LCP1: variants seen among roughly 807,000 people sequenced by gnomAD.
LCP1 encodes plastin-2.
Under a neutral mutation model 72.0 loss-of-function variants are expected in LCP1, and 23 were observed. The ratio of observed to expected loss-of-function variants is 0.32; its 90% CI spans 0.23 to 0.45. The LOEUF is 0.45. Among genes scored for constraint, LCP1 ranks in the 20% least tolerant of loss-of-function variants. LCP1 has a pLI of 1.00. For synonymous variants in LCP1, 245 were observed against 275.4 expected, an observed-to-expected ratio of 0.89 and a Z score of 1.09; for missense variants, 571 against 748.3, an observed-to-expected ratio of 0.76 and a Z score of 2.76.
At chr13:46,129,632 C>G (rs1026901902) in intron 15 of LCP1, among the ~76,000 whole-genome samples, 1 of 151,952 alleles carries the variant, frequency 6.6e-6, no homozygotes, top group Non-Finnish European at 1.5e-5. Flanking sequence ...TTTGGCATCC[C>G]GAGAGCACAG....
At chr13:46,165,365 C>T (rs2045870435) in intron 1 of LCP1, among the ~76,000 whole-genome samples, 1 of 151,590 alleles carries the variant, frequency 6.6e-6, no homozygotes. Flanking sequence ...CAGAGCGAGA[C>T]CCCATTTCAA....
At chr13:46,133,943 A>G (rs373259077) in intron 14 of LCP1, among the ~76,000 whole-genome samples, 184 bp downstream of exon 14, 3 of 152,338 alleles carry the variant, frequency 2.0e-5, no homozygotes, top group Admixed American at 6.5e-5. Flanking sequence ...GGGAGAAAGT[A>G]TTGAGAAATT....
chr13:46,171,769 G>C (rs1373294451), intron 1 of LCP1, among the ~76,000 whole-genome samples: 1 of 152,248 alleles, frequency 6.6e-6, no homozygotes, highest in African/African-American at 2.4e-5. Context: ...CAGGAGCACA[G>C]AGAATGAAGT....
chr13:46,162,067 A>G (rs930807515), intron 1 of LCP1, among the ~76,000 whole-genome samples: 1 of 151,836 alleles, frequency 6.6e-6, no homozygotes, highest in African/African-American at 2.4e-5. Flanking sequence ...AGAAAACAGT[A>G]TCTCAGAGAA....
chr13:46,140,785 A>G (rs2045692750), intron 13 of LCP1, among the ~76,000 whole-genome samples: 3 of 152,352 alleles, frequency 2.0e-5, no homozygotes, highest in African/African-American at 7.2e-5. Context: ...AAATTTCTAT[A>G]CATGGAAACT....
chr13:46,163,164 AG>A (rs1185559137), intron 1 of LCP1, among the ~76,000 whole-genome samples: 2 of 152,246 alleles, frequency 1.3e-5, no homozygotes, highest in Non-Finnish European at 2.9e-5. Context: ...AGAACGGGCC[AG>A]GATGACAATG....
chr13:46,163,080 G>A (rs1388843415), intron 1 of LCP1, among the ~76,000 whole-genome samples: 1 of 151,542 alleles, frequency 6.6e-6, no homozygotes, highest in South Asian at 2.1e-4. Context: ...CTGCCCTGCC[G>A]CCCCTTCTGA....
In LCP1 at chr13:46,159,488, G is replaced by C. The variant is rs75868181; in HGVS notation, c.64+111C>G. On this transcript the variant is annotated intron_variant, in intron 2 of 15. Transcript: ENST00000323076. ...CCAGCTCCTCTAAACAAATACTACTGGTTTCTTGTCATCTCTGAAATTTTG... is the reference window on the plus strand; with the variant it reads ...CCAGCTCCTCTAAACAAATACTACTCGTTTCTTGTCATCTCTGAAATTTTG... 1.5e-3 allele frequency: 1,251 copies of C among 824,220 alleles called. 11 individuals are homozygous for C. The African/African-American group carries it at 0.019, about 13-fold the overall frequency. 51.1% of individuals were successfully genotyped at this position (824,220 alleles called of 1,614,324 possible).
chr13:46,141,596 A>G (rs1295899132), intron 13 of LCP1, among the ~76,000 whole-genome samples: 1 of 152,144 alleles, frequency 6.6e-6, no homozygotes, highest in East Asian at 1.9e-4. Context: ...TCTTTAAAGT[A>G]CGGAAAGAAA....
intron 5 of LCP1, 52 bp downstream of exon 5, chr13:46,156,386 T>C (rs2045801148): frequency 6.3e-7 from 1 of 1,599,284 alleles, no homozygotes; most frequent in Non-Finnish European, 8.5e-7. Flanking sequence ...TAATTGTTGA[T>C]GGTCTAGAAA....
chr13:46,176,934 C>T (rs1407647617), intron 1 of LCP1, among the ~76,000 whole-genome samples: 1 of 150,724 alleles, frequency 6.6e-6, no homozygotes, highest in Non-Finnish European at 1.5e-5. Flanking sequence ...GGAGGGAGAC[C>T]CTCCCTTCTG....
Position 46,127,498 on chromosome 13 carries a change from G to A in LCP1, c.*93C>T. 1.3e-6 allele frequency: 2 copies of A among 1,499,360 alleles called. No homozygotes were observed. Among genetic ancestry groups the A allele is most frequent in the Non-Finnish European group, 1.8e-6 (2 of 1,096,048 alleles). The allele number at this position is 1,499,360 out of a possible 1,614,324, so 92.9% of individuals were successfully genotyped here. A position where few individuals can be genotyped will look rare whatever the true frequency, so the allele number is the denominator to read the frequency against. On this transcript the variant is annotated 3_prime_UTR_variant, in exon 16 of 16. Transcript: ENST00000323076. The stretch of plus-strand genomic sequence containing the variant: ...TTGGAATCTTATAGAGTGTCACCAA[G>A]TTGAACTTTGGAATGGCTTGAATCA...
chr13:46,169,359 A>G (rs184024844), intron 1 of LCP1: 1 of 152,380 alleles, frequency 6.6e-6, no homozygotes, highest in Non-Finnish European at 1.5e-5. Flanking sequence ...CATGTGCCAA[A>G]TCACATACAA....
chr13:46,127,486 G>T lies in LCP1; in HGVS notation c.*105C>A. On this transcript the variant is annotated 3_prime_UTR_variant, in exon 16 of 16. Transcript: ENST00000323076. ...AATATGTGCTTTTTGGAATCTTATA[G>T]AGTGTCACCAAGTTGAACTTTGGAA... 9.9e-6 allele frequency: 14 copies of T among 1,413,862 alleles called. No homozygotes were observed. Among genetic ancestry groups the T allele is most frequent in the Non-Finnish European group, 1.4e-5 (14 of 1,027,344 alleles). 87.6% of individuals were successfully genotyped at this position (1,413,862 alleles called of 1,614,324 possible). A position where few individuals can be genotyped will look rare whatever the true frequency, so the allele number is the denominator to read the frequency against.
At chr13:46,168,431 T>A (rs2045888369) in intron 1 of LCP1, 1 of 152,234 alleles carries the variant, frequency 6.6e-6, no homozygotes, top group South Asian at 2.1e-4. Flanking sequence ...GCCTCGCTCC[T>A]GGGGGCTGGG....
intron 7 of LCP1, among the ~76,000 whole-genome samples, chr13:46,151,874 T>C (rs2045766552): frequency 6.6e-6 from 1 of 152,240 alleles, no homozygotes; most frequent in South Asian, 2.1e-4. Context: ...ATGATACTTA[T>C]CAAGGTGGGC....
intron 6 of LCP1, among the ~76,000 whole-genome samples, chr13:46,154,485 T>G (rs1192388119): frequency 6.6e-6 from 1 of 152,214 alleles, no homozygotes; most frequent in African/African-American, 2.4e-5. Flanking sequence ...GCTTATGTTT[T>G]CATCTAAAAT....
chr13:46,154,783 T>C (rs777656797), intron 6 of LCP1, 22 bp downstream of exon 6: 4 of 1,589,892 alleles, frequency 2.5e-6, no homozygotes, highest in Non-Finnish European at 2.6e-6. Flanking sequence ...TCCTGTATTA[T>C]GGTAACGGTG....
chr13:46,179,249 A>T (rs527935017), intron 1 of LCP1, among the ~76,000 whole-genome samples: 1 of 152,372 alleles, frequency 6.6e-6, no homozygotes, highest in South Asian at 2.1e-4. Flanking sequence ...TAAAGCTGAA[A>T]CATGGTAGAA....
Sources: gnomAD v4.1 joint callset for allele counts (sites outside exome capture counted in the v4.1 genomes callset) on GRCh38, gnomAD v4.1.1 for gene constraint, MANE v1.5 for transcripts, NCBI Gene and HGNC (gene_info 2026-07-23, HGNC 2026-07-21) for gene names.